Variants in TSNARE1 observed in about 807,000 individuals in gnomAD.
TSNARE1 encodes the protein t-SNARE domain containing 1.
TSNARE1 carries 49 observed loss-of-function variants against 62.0 expected under a neutral mutation model. That is an observed-to-expected ratio of 0.79 (90% CI 0.63 to 1.00). The LOEUF (loss-of-function observed/expected upper bound fraction) is 1.00. TSNARE1 is among the 50% of genes least tolerant of loss of function. The probability of loss-of-function intolerance (pLI) is 0.00; values close to 1 mark genes in which losing one functional copy is unlikely to be tolerated. For synonymous variants in TSNARE1, 328 were observed against 294.4 expected (o/e 1.11, Z -1.17); for missense variants, 755 against 700.1 (o/e 1.08, Z -0.88).
chr8:142,344,118 T>G lies in TSNARE1; in HGVS notation c.593A>C (p.Lys198Thr). ...WRDLRAVVRR[K>T]LGDLRKAAHG... The stretch of plus-strand genomic sequence containing the variant: ...GGCCGCCTTCCGGAGGTCGCCCAGC[T>G]TGCGCCGCACGACGGCTCGTAGGTC... Residue 198 changes from lysine (K) to threonine (T), a missense_variant, in exon 4 of 14, where the codon AAG becomes ACG. Lys to Thr is a moderately conservative substitution (Grantham distance 78). Coordinates refer to ENST00000524325, the MANE Select transcript of TSNARE1 (RefSeq NM_145003.5). The G allele has an allele frequency of 6.2e-7, 1 of 1,611,984 alleles. No individual in the cohort carries two copies. Among genetic ancestry groups the G allele is most frequent in the East Asian group, 2.2e-5 (1 of 44,830 alleles).
At chr8:142,295,853 T>C (rs1246241229) in intron 10 of TSNARE1, among the ~76,000 whole-genome samples, 3 of 151,224 alleles carry the variant, frequency 2.0e-5, no homozygotes, top group Non-Finnish European at 2.9e-5. Context: ...CCCTGCAGCA[T>C]GGCTCTGCAG....
intron 4 of TSNARE1, among the ~76,000 whole-genome samples, chr8:142,335,807 G>A (rs1831677467): frequency 6.6e-6 from 1 of 152,144 alleles, no homozygotes; most frequent in African/African-American, 2.4e-5. Flanking sequence ...AAATAAAATG[G>A]TAAACTCGGT....
At chr8:142,241,033 C>G (rs145466863) in intron 12 of TSNARE1, among the ~76,000 whole-genome samples, 2 of 152,124 alleles carry the variant, frequency 1.3e-5, no homozygotes, top group Admixed American at 1.3e-4. Flanking sequence ...TTAGGCAAGA[C>G]GAAGAAGTAA....
intron 1 of TSNARE1, among the ~76,000 whole-genome samples, chr8:142,382,021 C>G (rs1836793665): frequency 6.6e-6 from 1 of 152,186 alleles, no homozygotes; most frequent in Admixed American, 6.5e-5. Context: ...ACACACAGGC[C>G]AGATGCTCGG....
chr8:142,351,335 G>A (rs779668683), intron 2 of TSNARE1, among the ~76,000 whole-genome samples: 4 of 152,198 alleles, frequency 2.6e-5, no homozygotes, highest in South Asian at 2.1e-4. Context: ...CCAGCAAGAC[G>A]CATTTGGAAA....
chr8:142,259,050 G>A (rs10101047), intron 12 of TSNARE1, among the ~76,000 whole-genome samples: 3,211 of 152,292 alleles, frequency 0.021, 119 homozygotes, highest in African/African-American at 0.073. Context: ...CCACAGTCAC[G>A]CTGCAGCTGA....
chr8:142,234,304 C>T (rs1817283811), intron 12 of TSNARE1, among the ~76,000 whole-genome samples: 1 of 151,620 alleles, frequency 6.6e-6, no homozygotes, highest in Non-Finnish European at 1.5e-5. Flanking sequence ...ACCACAGGTT[C>T]AGGGAAAGCT....
At chr8:142,314,237 C>A (rs878893537) in intron 9 of TSNARE1, 147 bp downstream of exon 9, 1 of 682,224 alleles carries the variant, frequency 1.5e-6, no homozygotes, top group Admixed American at 2.9e-5. Context: ...GGTCAAAATG[C>A]CCACGTTTTC....
At chr8:142,372,749 A>G (rs1258264305) in intron 1 of TSNARE1, among the ~76,000 whole-genome samples, 2 of 147,292 alleles carry the variant, frequency 1.4e-5, no homozygotes, top group African/African-American at 2.5e-5. Context: ...CACCAGTGCC[A>G]TTTCCTTCCC....
At chr8:142,269,162 C>T (rs2130459096) in intron 12 of TSNARE1, among the ~76,000 whole-genome samples, 1 of 152,306 alleles carries the variant, frequency 6.6e-6, no homozygotes, top group Middle Eastern at 3.4e-3. Context: ...TGACCAGGGT[C>T]AGGGCTGGGG....
chr8:142,342,282 G>C (rs543807814), intron 4 of TSNARE1, among the ~76,000 whole-genome samples: 1 of 152,264 alleles, frequency 6.6e-6, no homozygotes, highest in African/African-American at 2.4e-5. Flanking sequence ...CTGAGCAGGA[G>C]GCCTCAGCGC....
intron 4 of TSNARE1, among the ~76,000 whole-genome samples, chr8:142,333,608 G>C (rs931251777): frequency 6.6e-6 from 1 of 152,178 alleles, no homozygotes; most frequent in Non-Finnish European, 1.5e-5. Context: ...CAAGGCCCAA[G>C]CCCAGCTCTG....
At chr8:142,254,025 C>T (rs938950926) in intron 12 of TSNARE1, among the ~76,000 whole-genome samples, 2 of 152,254 alleles carry the variant, frequency 1.3e-5, no homozygotes, top group Non-Finnish European at 2.9e-5. Context: ...ATCAATTCCA[C>T]GCAGAGATAT....
chr8:142,267,995 G>A (rs1039883877), intron 12 of TSNARE1, among the ~76,000 whole-genome samples: 1 of 152,208 alleles, frequency 6.6e-6, no homozygotes, highest in Non-Finnish European at 1.5e-5. Context: ...TCTCCTTCCT[G>A]GCGAACCTCA....
intron 4 of TSNARE1, among the ~76,000 whole-genome samples, chr8:142,342,295 G>A (rs967413599): frequency 2.0e-5 from 3 of 152,188 alleles, no homozygotes; most frequent in South Asian, 2.1e-4. Context: ...CTCAGCGCCC[G>A]TGACCAGAGA....
In TSNARE1 at chr8:142,222,796, CCACT is replaced by C. The variant is rs1424655542; in HGVS notation, c.*11+6673_*11+6676del. ...CTCATCCACTCACTCACTCACTCAT[CCACT>C]CACTCACTCATTCACTCACTCACTC... On this transcript the variant is annotated intron_variant, in intron 13 of 13. Coordinates refer to ENST00000524325, the MANE Select transcript of TSNARE1 (RefSeq NM_145003.5). Among the ~76,000 whole-genome samples the C allele has an allele frequency of 8.1e-5, 5 of 61,762 alleles. No individual in the cohort carries two copies. The East Asian group carries it at 2.7e-3, about 34-fold the overall frequency. The allele number at this position is 61,762 out of a possible 152,430, so 40.5% of individuals were successfully genotyped here. A position where few individuals can be genotyped will look rare whatever the true frequency, so the allele number is the denominator to read the frequency against.
chr8:142,398,452 C>T (rs1034825294), intron 1 of TSNARE1, among the ~76,000 whole-genome samples: 4 of 152,106 alleles, frequency 2.6e-5, no homozygotes, highest in Non-Finnish European at 5.9e-5. Context: ...AGCACAACCC[C>T]AGCAGAGTCA....
At chr8:142,255,029 C>G (rs1364967123) in intron 12 of TSNARE1, among the ~76,000 whole-genome samples, 1 of 151,994 alleles carries the variant, frequency 6.6e-6, no homozygotes, top group Admixed American at 6.6e-5. Context: ...GATCTTGAGG[C>G]CAGGTGGGGA....
At chr8:142,340,787 G>A (rs1185065546) in intron 4 of TSNARE1, among the ~76,000 whole-genome samples, 1 of 152,148 alleles carries the variant, frequency 6.6e-6, no homozygotes, top group Admixed American at 6.5e-5. Context: ...AGACCCCAGG[G>A]CCACATGACC....
Sources: gnomAD v4.1 joint callset for allele counts (sites outside exome capture counted in the v4.1 genomes callset) on GRCh38, gnomAD v4.1.1 for gene constraint, MANE v1.5 for transcripts, NCBI Gene and HGNC (gene_info 2026-07-23, HGNC 2026-07-21) for gene names.